The following MAN2A1 variants were observed in gnomAD, a reference collection of about 807,000 sequenced individuals.
The protein encoded by MAN2A1 is alpha-mannosidase 2.
In MAN2A1, 76 loss-of-function variants were observed where a neutral mutation model predicts 142.6. The observed-to-expected ratio is 0.53, with a 90% CI of 0.44 to 0.65. MAN2A1 has a LOEUF of 0.65. MAN2A1 is among the 30% of genes least tolerant of loss of function. MAN2A1 has a pLI of 0.00. For synonymous variants in MAN2A1, 559 were observed against 473.2 expected (o/e 1.18, Z -2.35); for missense variants, 1,311 against 1,365.1 (o/e 0.96, Z 0.62).
intron 12 of MAN2A1, among the ~76,000 whole-genome samples, chr5:109,797,538 A>G (rs1034367817): frequency 6.6e-6 from 1 of 152,196 alleles, no homozygotes; most frequent in African/African-American, 2.4e-5. Flanking sequence ...AGGAAGACAA[A>G]TGCCAACAAT....
intron 4 of MAN2A1, among the ~76,000 whole-genome samples, chr5:109,733,207 T>C (rs1751971421): frequency 1.3e-5 from 2 of 152,178 alleles, no homozygotes; most frequent in Admixed American, 1.3e-4. Flanking sequence ...TTTTGTACGT[T>C]GATTTTGTAT....
chr5:109,776,504 C>T (rs766106141), intron 8 of MAN2A1, among the ~76,000 whole-genome samples: 87 of 152,028 alleles, frequency 5.7e-4, no homozygotes, highest in Non-Finnish European at 1.0e-3. Flanking sequence ...GATTTTGGTT[C>T]ATAGAAGCAT....
rs142968304 is a variant in MAN2A1, at chr5:109,812,866, C to T, written c.1944-4407C>T. Among the ~76,000 whole-genome samples, 319 of 152,108 alleles carry T rather than the reference C, an allele frequency of 2.1e-3. 2 individuals are homozygous for T. Among genetic ancestry groups the T allele is most frequent in the African/African-American group, 7.5e-3 (311 of 41,560 alleles). ...ATTCTCCTAGTGGTATTTTTCTGCA[C>T]TGATGATTCATTAACTACTGAACAT... is the stretch of plus-strand genomic sequence containing the variant. On this transcript the variant is annotated intron_variant, in intron 12 of 21. Coordinates refer to ENST00000261483, the MANE Select transcript of MAN2A1 (RefSeq NM_002372.4).
intron 4 of MAN2A1, among the ~76,000 whole-genome samples, chr5:109,743,534 T>A (rs924046374): frequency 5.9e-5 from 9 of 152,196 alleles, no homozygotes; most frequent in African/African-American, 2.2e-4. Context: ...CCAGGCAGTC[T>A]TGCCCCAGAA....
chr5:109,781,609 C>G lies in MAN2A1; in HGVS notation c.1577+11C>G. The G allele has an allele frequency of 2.0e-6, 3 of 1,533,140 alleles. No individual in the cohort carries two copies. Among genetic ancestry groups the G allele is most frequent in the South Asian group, 1.2e-5 (1 of 80,954 alleles). 95.0% of individuals were successfully genotyped at this position (1,533,140 alleles called of 1,614,324 possible). A position where few individuals can be genotyped will look rare whatever the true frequency, so the allele number is the denominator to read the frequency against. ...GGAATCTCATTTAAGGTACTTTTAC[C>G]TTTCTATAGCTACATGTATTTTTTC... On this transcript the variant is annotated intron_variant, in intron 9 of 21. Coordinates refer to ENST00000261483, the MANE Select transcript of MAN2A1 (RefSeq NM_002372.4).
intron 3 of MAN2A1, among the ~76,000 whole-genome samples, chr5:109,729,052 A>G (rs1384030273): frequency 1.3e-5 from 2 of 152,110 alleles, no homozygotes; most frequent in African/African-American, 4.8e-5. Context: ...TACTATAATT[A>G]TTAAAATATA....
rs11953342 is a variant in MAN2A1 at position 109,722,560 on chromosome 5, A to G, written c.535+6296A>G. 3.5e-3 allele frequency among the ~76,000 whole-genome samples: 526 copies of G among 152,198 alleles called. 5 individuals carry two copies. The highest frequency in any genetic ancestry group is 0.012 in the African/African-American group (513 of 41,516). ...CACCTGAGTAGCTGGGATTACAGGC[A>G]CACGCCACAGTGCCTAGCTATTTTT... is the stretch of plus-strand genomic sequence containing the variant. On this transcript the variant is annotated intron_variant, in intron 3 of 21. Coordinates refer to ENST00000261483, the MANE Select transcript of MAN2A1 (RefSeq NM_002372.4).
chr5:109,866,350 T>A (rs542835467), intron 21 of MAN2A1, among the ~76,000 whole-genome samples: 101 of 152,240 alleles, frequency 6.6e-4, no homozygotes, highest in Middle Eastern at 3.4e-3. Context: ...AATGACATAA[T>A]GATCCCTCCT....
At chr5:109,766,305 G>A (rs773480521) in intron 5 of MAN2A1, among the ~76,000 whole-genome samples, 10 of 152,052 alleles carry the variant, frequency 6.6e-5, no homozygotes, top group Non-Finnish European at 1.0e-4. Flanking sequence ...TGTTAAATCC[G>A]TGCTACCACA....
chr5:109,752,876 C>G (rs1378160995), intron 4 of MAN2A1, among the ~76,000 whole-genome samples: 1 of 152,122 alleles, frequency 6.6e-6, no homozygotes, highest in Non-Finnish European at 1.5e-5. Flanking sequence ...ACAAATGGAG[C>G]TGGGAAAATT....
At chr5:109,788,904 T>A in intron 10 of MAN2A1, 30 bp from the exon 11 acceptor site, 2 of 1,015,122 alleles carry the variant, frequency 2.0e-6, no homozygotes, top group South Asian at 2.7e-5. Context: ...TTAAATTGTT[T>A]CTCAGACTAA....
In MAN2A1 at chr5:109,755,392, T is replaced by A. The variant is rs747772575; in HGVS notation, c.771T>A (p.Thr257=). 2 of 1,611,410 alleles carry A rather than the reference T, an allele frequency of 1.2e-6. No individual in the cohort carries two copies. The highest frequency in any genetic ancestry group is 1.7e-5 in the Admixed American group (1 of 60,016). Reference sequence around the variant, plus strand: ...GCTGGGTTATGCCTGATGAAGCTACTCCACATTATTTTGCCTTAATTGATC... The same window carrying A: ...GCTGGGTTATGCCTGATGAAGCTACACCACATTATTTTGCCTTAATTGATC... The part of the protein sequence containing the change: ...TGGWVMPDEA[T]PHYFALIDQL... The change falls in exon 5 of 22, where the codon ACT becomes ACA. Residue 257 remains threonine, a synonymous_variant. Coordinates refer to ENST00000261483, the MANE Select transcript of MAN2A1 (RefSeq NM_002372.4).
chr5:109,840,482 T>C, intron 16 of MAN2A1: 1 of 480,476 alleles, frequency 2.1e-6, no homozygotes, highest in Non-Finnish European at 4.1e-6. Context: ...AAACCGAGAA[T>C]CCAATTGGCT....
intron 4 of MAN2A1, among the ~76,000 whole-genome samples, chr5:109,734,110 A>T (rs1752009495): frequency 6.6e-6 from 1 of 151,808 alleles, no homozygotes; most frequent in Non-Finnish European, 1.5e-5. Context: ...TGTGTCCAGG[A>T]ATTTATCCAT....
At chr5:109,813,135 A>T (rs1163417209) in intron 12 of MAN2A1, among the ~76,000 whole-genome samples, 1 of 152,144 alleles carries the variant, frequency 6.6e-6, no homozygotes, top group African/African-American at 2.4e-5. Context: ...ATATATTGCA[A>T]GTTTTTTTCT....
chr5:109,748,088 G>A (rs1369449348), intron 4 of MAN2A1, among the ~76,000 whole-genome samples: 1 of 152,044 alleles, frequency 6.6e-6, no homozygotes, highest in Non-Finnish European at 1.5e-5. Context: ...TATATTTAGT[G>A]TATCTTTTGT....
chr5:109,732,718 GTA>G (rs577795503), intron 4 of MAN2A1, among the ~76,000 whole-genome samples: 217 of 151,954 alleles, frequency 1.4e-3, no homozygotes, highest in African/African-American at 5.0e-3. Context: ...TTCCATTGAT[GTA>G]TATCTCTGTT....
At chr5:109,750,941 G>A (rs775628840) in intron 4 of MAN2A1, among the ~76,000 whole-genome samples, 2 of 152,022 alleles carry the variant, frequency 1.3e-5, no homozygotes, top group African/African-American at 4.8e-5. Flanking sequence ...CAGGGTTGGG[G>A]CGTCCATCAC....
intron 16 of MAN2A1, among the ~76,000 whole-genome samples, chr5:109,825,260 A>G (rs1001182880): frequency 7.9e-5 from 12 of 152,292 alleles, no homozygotes; most frequent in East Asian, 1.9e-4. Flanking sequence ...ATGCTGATCT[A>G]TTTTTAAGTT....
Sources: allele counts gnomAD v4.1 joint callset (sites outside exome capture counted in the v4.1 genomes callset), GRCh38; gene constraint gnomAD v4.1.1; transcripts MANE v1.5; gene names NCBI Gene and HGNC (gene_info 2026-07-23, HGNC 2026-07-21).